Variants in LHPP observed in about 807,000 individuals in gnomAD.
LHPP encodes the protein phospholysine phosphohistidine inorganic pyrophosphate phosphatase.
A neutral mutation model predicts 30.3 loss-of-function variants in LHPP; 24 were observed. The observed-to-expected ratio is 0.79, with a 90% CI of 0.57 to 1.11. The LOEUF is 1.11. Ranked by LOEUF, LHPP falls within the 50% of genes most tolerant of loss-of-function variation. The pLI, the probability that LHPP is intolerant of heterozygous loss-of-function variation, is 0.00. For missense variants in LHPP, 356 were observed against 367.2 expected (o/e 0.97, Z 0.25); for synonymous variants, 150 against 157.1 (o/e 0.95, Z 0.34).
intron 6 of LHPP, among the ~76,000 whole-genome samples, chr10:124,608,560 C>T (rs1949125273): frequency 6.6e-6 from 1 of 152,356 alleles, no homozygotes; most frequent in Admixed American, 6.5e-5. Flanking sequence ...GGTCACGTGG[C>T]TGGTAGGGGG....
Position 124,534,886 on chromosome 10 carries a change from G to T in LHPP, c.716+17615G>T, listed in dbSNP as rs80196603. On this transcript the variant is annotated intron_variant, in intron 6 of 6. Transcript: ENST00000368842. ...TAGTTCTAGGCCTGGAAAGGAAAGG[G>T]AAAGAAAGAGCAATGGAATCTGGTA... Among the ~76,000 whole-genome samples the T allele has an allele frequency of 8.7e-3, 1,322 of 152,330 alleles. 21 individuals are homozygous for T. The highest frequency in any genetic ancestry group is 0.029 in the African/African-American group (1,191 of 41,558).
intron 6 of LHPP, among the ~76,000 whole-genome samples, chr10:124,594,329 CAAAAAAAAAAA>C (rs71026102): frequency 1.1e-4 from 8 of 75,344 alleles, no homozygotes; most frequent in Admixed American, 1.7e-4. Context: ...GACTCCATCT[CAAAAAAAAAAA>C]AAAAAAAAAA....
At chr10:124,565,801 A>G (rs1431547152) in intron 6 of LHPP, among the ~76,000 whole-genome samples, 1 of 152,116 alleles carries the variant, frequency 6.6e-6, no homozygotes, top group Non-Finnish European at 1.5e-5. Context: ...AGGCAGGGGG[A>G]AGGCTGGCGA....
At chr10:124,531,493 A>T (rs905362258) in intron 6 of LHPP, among the ~76,000 whole-genome samples, 4 of 152,260 alleles carry the variant, frequency 2.6e-5, no homozygotes, top group Non-Finnish European at 2.9e-5. Flanking sequence ...AGAGAGGGGA[A>T]GACCCAGTCC....
intron 1 of LHPP, among the ~76,000 whole-genome samples, chr10:124,466,860 C>T (rs1952564816): frequency 6.6e-6 from 1 of 152,032 alleles, no homozygotes; most frequent in Non-Finnish European, 1.5e-5. Flanking sequence ...ATATTAACGT[C>T]TGGGCACAGT....
intron 6 of LHPP, among the ~76,000 whole-genome samples, chr10:124,519,358 G>A (rs900824881): frequency 6.6e-6 from 1 of 152,202 alleles, no homozygotes; most frequent in Admixed American, 6.5e-5. Context: ...AAAATGGGAT[G>A]ATATTGTTTT....
At chr10:124,509,589 G>C (rs1363717751) in intron 5 of LHPP, among the ~76,000 whole-genome samples, 1 of 151,084 alleles carries the variant, frequency 6.6e-6, no homozygotes, top group East Asian at 1.9e-4. Flanking sequence ...TGGTCTTTGA[G>C]TTTTGCTGTT....
At chr10:124,591,273 G>A (rs1290692982) in intron 6 of LHPP, among the ~76,000 whole-genome samples, 1 of 152,140 alleles carries the variant, frequency 6.6e-6, no homozygotes, top group African/African-American at 2.4e-5. Context: ...CAAAAGCTGG[G>A]GTGCCCCTGA....
At chr10:124,488,749 T>G (rs1018587620) in intron 3 of LHPP, among the ~76,000 whole-genome samples, 174 bp downstream of exon 3, 3 of 152,164 alleles carry the variant, frequency 2.0e-5, no homozygotes, top group African/African-American at 7.2e-5. Context: ...ATTCCTCTCC[T>G]TTAATCATTT....
chr10:124,533,175 A>G (rs2133934031), intron 6 of LHPP, among the ~76,000 whole-genome samples: 1 of 152,280 alleles, frequency 6.6e-6, no homozygotes, highest in South Asian at 2.1e-4. Context: ...GGCATCTGAG[A>G]TATTCCTGAG....
At chr10:124,550,719 C>T (rs1214114496) in intron 6 of LHPP, among the ~76,000 whole-genome samples, 2 of 152,218 alleles carry the variant, frequency 1.3e-5, no homozygotes, top group African/African-American at 4.8e-5. Flanking sequence ...CACTTCCCCT[C>T]TCCAGGCGGC....
intron 6 of LHPP, among the ~76,000 whole-genome samples, chr10:124,536,346 A>T (rs567903288): frequency 2.6e-5 from 4 of 152,340 alleles, no homozygotes; most frequent in African/African-American, 7.2e-5. Context: ...ACCAGGAAAG[A>T]GGAAGCGGTA....
chr10:124,609,057 A>AGAGGC (rs1171357573), intron 6 of LHPP, among the ~76,000 whole-genome samples: 2 of 152,190 alleles, frequency 1.3e-5, no homozygotes, highest in Non-Finnish European at 2.9e-5. Flanking sequence ...GGGACGGTGG[A>AGAGGC]CAGGCCAGCC....
chr10:124,555,117 A>G (rs989499042), intron 6 of LHPP, among the ~76,000 whole-genome samples: 1 of 151,992 alleles, frequency 6.6e-6, no homozygotes, highest in African/African-American at 2.4e-5. Flanking sequence ...CATTCTCAAC[A>G]CCACTGTGCT....
intron 6 of LHPP, among the ~76,000 whole-genome samples, chr10:124,539,348 G>A (rs1227283096): frequency 3.3e-5 from 5 of 152,322 alleles, no homozygotes; most frequent in East Asian, 3.9e-4. Context: ...AGAGTTGGCC[G>A]GGTGAGGTGG....
chr10:124,613,194 T>C, intron 6 of LHPP, 70 bp from the exon 7 acceptor site: 1 of 1,176,038 alleles, frequency 8.5e-7, no homozygotes, highest in East Asian at 2.3e-5. Context: ...TGTTAGATGC[T>C]GGGAGGGTGG....
At chr10:124,543,775 A>AAG (rs758260120) in intron 6 of LHPP, among the ~76,000 whole-genome samples, 26,899 of 78,926 alleles carry the variant, frequency 0.34, 4,065 homozygotes, top group African/African-American at 0.53. Context: ...TTAAAAATTA[A>AAG]TATATTTTTT....
intron 5 of LHPP, among the ~76,000 whole-genome samples, chr10:124,503,221 C>T (rs1439114799): frequency 1.3e-5 from 2 of 151,308 alleles, no homozygotes; most frequent in African/African-American, 2.5e-5. Context: ...CATGTGCCAC[C>T]ACGCCCATCT....
intron 6 of LHPP, among the ~76,000 whole-genome samples, chr10:124,521,787 C>T (rs577014998): frequency 4.4e-4 from 67 of 152,306 alleles, no homozygotes; most frequent in African/African-American, 1.5e-3. Context: ...TGACTGAGGC[C>T]TCCCACTGGT....
Sources: gnomAD v4.1 joint callset for allele counts (sites outside exome capture counted in the v4.1 genomes callset) on GRCh38, gnomAD v4.1.1 for gene constraint, MANE v1.5 for transcripts, NCBI Gene and HGNC (gene_info 2026-07-23, HGNC 2026-07-21) for gene names.